The following RBFOX2 variants were observed in gnomAD, a reference collection of about 807,000 sequenced individuals.
RBFOX2 encodes the protein RNA binding protein fox-1 homolog 2.
A neutral mutation model predicts 49.1 loss-of-function variants in RBFOX2; 10 were observed. That is an observed-to-expected ratio of 0.20 (90% CI 0.13 to 0.35). The LOEUF (loss-of-function observed/expected upper bound fraction) is 0.35, where lower values mean the gene tolerates loss of function less well. RBFOX2 is among the 10% of genes least tolerant of loss of function. The probability of loss-of-function intolerance (pLI) is 1.00; values close to 1 mark genes in which losing one functional copy is unlikely to be tolerated. For synonymous variants in RBFOX2, 183 were observed against 187.4 expected, an observed-to-expected ratio of 0.98 and a Z score of 0.19; for missense variants, 323 against 486.9, an observed-to-expected ratio of 0.66 and a Z score of 3.17.
upstream of RBFOX2, among the ~76,000 whole-genome samples, chr22:35,841,716 CATTTTTA>C (rs1406008973): frequency 1.3e-5 from 2 of 152,148 alleles, no homozygotes; most frequent in African/African-American, 2.4e-5. Context: ...TTAAGCTTCC[CATTTTTA>C]ATTTTTATCT....
intron 4 of RBFOX2, among the ~76,000 whole-genome samples, chr22:35,776,543 GTATATAAACTCTGT>G (rs1943952714): frequency 6.6e-6 from 1 of 152,162 alleles, no homozygotes; most frequent in African/African-American, 2.4e-5. Flanking sequence ...GGGACAGGAG[GTATATAAACTCTGT>G]TATCAATTCC....
intron 2 of RBFOX2, among the ~76,000 whole-genome samples, chr22:35,799,322 G>A (rs2147818540): frequency 6.6e-6 from 1 of 152,244 alleles, no homozygotes. Flanking sequence ...AGATGATCAA[G>A]TGTCTGCAGG....
intron 2 of RBFOX2, among the ~76,000 whole-genome samples, chr22:35,807,928 G>T (rs542347354): frequency 6.6e-6 from 1 of 151,660 alleles, no homozygotes; most frequent in South Asian, 2.1e-4. Flanking sequence ...AAATTAAAAC[G>T]ATTATATGAA....
intron 1 of RBFOX2, among the ~76,000 whole-genome samples, chr22:35,981,692 CA>C (rs2057463843): frequency 6.6e-6 from 1 of 151,172 alleles, no homozygotes; most frequent in Non-Finnish European, 1.5e-5. Flanking sequence ...AAGCATTCAC[CA>C]AAGTTAATTT....
intron 1 of RBFOX2, among the ~76,000 whole-genome samples, chr22:35,966,971 C>T (rs774727030): frequency 6.7e-6 from 1 of 150,146 alleles, no homozygotes; most frequent in Admixed American, 6.6e-5. Context: ...TGGCATTATG[C>T]GCAGTCAACT....
chr22:35,939,718 C>G (rs2053501696), upstream of RBFOX2, among the ~76,000 whole-genome samples: 1 of 152,142 alleles, frequency 6.6e-6, no homozygotes, highest in South Asian at 2.1e-4. Flanking sequence ...AAAAGCCATG[C>G]AAACCCTAAT....
intron 9 of RBFOX2, among the ~76,000 whole-genome samples, chr22:35,755,057 T>C (rs1362309201): frequency 6.6e-6 from 1 of 152,224 alleles, no homozygotes; most frequent in African/African-American, 2.4e-5. Context: ...TTTAGGTTGC[T>C]TGTGAATCTC....
chr22:35,837,531 G>GCACAA (rs1345397493), intron 1 of RBFOX2, among the ~76,000 whole-genome samples: 2 of 151,526 alleles, frequency 1.3e-5, no homozygotes, highest in Non-Finnish European at 2.9e-5. Flanking sequence ...ACACACGCAG[G>GCACAA]CACAACACAA....
intron 1 of RBFOX2, among the ~76,000 whole-genome samples, chr22:36,004,594 G>C (rs1046268492): frequency 1.3e-5 from 2 of 152,114 alleles, no homozygotes; most frequent in African/African-American, 4.8e-5. Context: ...TCAGGAGTTT[G>C]AGATCAGCCT....
At chr22:35,825,361 C>A (rs1955436808) in intron 1 of RBFOX2, among the ~76,000 whole-genome samples, 1 of 145,392 alleles carries the variant, frequency 6.9e-6, no homozygotes, top group African/African-American at 2.6e-5. Context: ...TGGGGGAAGG[C>A]AGAGTTTATG....
intron 11 of RBFOX2, among the ~76,000 whole-genome samples, chr22:35,744,774 C>T (rs567683006): frequency 3.7e-4 from 56 of 152,346 alleles, no homozygotes; most frequent in African/African-American, 1.3e-3. Flanking sequence ...CCTCTATCAT[C>T]TACGAAGCAC....
intron 1 of RBFOX2, chr22:35,999,931 G>A (rs2058340811): frequency 6.7e-6 from 1 of 149,568 alleles, no homozygotes; most frequent in African/African-American, 2.4e-5. Flanking sequence ...AAACATACAG[G>A]AATGCATCAT....
At chr22:36,022,163 A>C (rs1212670722) in intron 1 of RBFOX2, among the ~76,000 whole-genome samples, 3 of 152,222 alleles carry the variant, frequency 2.0e-5, no homozygotes, top group Non-Finnish European at 4.4e-5. Flanking sequence ...CTTTTTCTAC[A>C]AATTATTAAA....
chr22:35,828,976 G>A (rs574723549), intron 1 of RBFOX2, among the ~76,000 whole-genome samples: 5 of 152,058 alleles, frequency 3.3e-5, no homozygotes, highest in African/African-American at 1.2e-4. Context: ...GCTTGAACCC[G>A]GGAGGCAGAG....
chr22:35,757,662 A>G (rs528246143), intron 9 of RBFOX2, among the ~76,000 whole-genome samples: 2 of 152,308 alleles, frequency 1.3e-5, no homozygotes, highest in East Asian at 1.9e-4. Context: ...CAAATATGCT[A>G]TGCCCTTGTA....
chr22:35,956,605 C>T (rs748210711), intron 1 of RBFOX2, among the ~76,000 whole-genome samples: 25 of 152,218 alleles, frequency 1.6e-4, no homozygotes, highest in Non-Finnish European at 2.6e-4. Context: ...CATGATCCCC[C>T]GCCTCAGCCT....
At chr22:35,843,498 C>T (rs562902550), upstream of RBFOX2, among the ~76,000 whole-genome samples, 20 of 152,236 alleles carry the variant, frequency 1.3e-4, no homozygotes, top group African/African-American at 4.8e-4. Flanking sequence ...CCATACTACT[C>T]AATTGAAATT....
At chr22:35,879,069 T>C (rs993096330) in intron 1 of RBFOX2, among the ~76,000 whole-genome samples, 3 of 152,210 alleles carry the variant, frequency 2.0e-5, no homozygotes, top group African/African-American at 7.2e-5. Context: ...ATAAATGCTA[T>C]GAAAAATTTA....
intron 2 of RBFOX2, among the ~76,000 whole-genome samples, chr22:35,804,508 C>A (rs1376027208): frequency 6.6e-6 from 1 of 151,982 alleles, no homozygotes; most frequent in Non-Finnish European, 1.5e-5. Context: ...AAGAGAAGAA[C>A]AACTCATCAC....
Sources: gnomAD v4.1 joint callset for allele counts (sites outside exome capture counted in the v4.1 genomes callset) on GRCh38, gnomAD v4.1.1 for gene constraint, MANE v1.5 for transcripts, NCBI Gene and HGNC (gene_info 2026-07-23, HGNC 2026-07-21) for gene names.